Variants in ATG101 observed in about 807,000 individuals in gnomAD.
The protein encoded by ATG101 is autophagy related 101, also known as autophagy-related protein 101.
Under a neutral mutation model 16.7 loss-of-function variants are expected in ATG101, and 6 were observed. The ratio of observed to expected loss-of-function variants is 0.36; its 90% CI spans 0.20 to 0.71. The LOEUF is 0.71. Among genes scored for constraint, ATG101 ranks in the 30% least tolerant of loss-of-function variants. The pLI is 0.57. For missense variants in ATG101, 200 were observed against 292.5 expected, an observed-to-expected ratio of 0.68 and a Z score of 2.31; for synonymous variants, 108 against 118.1, an observed-to-expected ratio of 0.91 and a Z score of 0.56.
upstream of ATG101, among the ~76,000 whole-genome samples, chr12:52,068,568 G>C (rs1246904282): frequency 6.6e-6 from 1 of 151,958 alleles, no homozygotes; most frequent in Non-Finnish European, 1.5e-5. Context: ...TGTCGACCAG[G>C]CTGGTCTTGA....
At chr12:52,071,734 G>A (rs1456589851) in intron 2 of ATG101, among the ~76,000 whole-genome samples, 1 of 152,130 alleles carries the variant, frequency 6.6e-6, no homozygotes, top group Admixed American at 6.5e-5. Context: ...GGGAGCCTGG[G>A]AGGCAGAAGT....
chr12:52,077,354 C>T lies in ATG101; in HGVS notation c.*164C>T. ...GGTTTTGTGGTTGCCAGCCTCAGGT[C>T]ATCCTTTTAATCTTTGCTGACGGTT... On this transcript the variant is annotated 3_prime_UTR_variant, in exon 4 of 4. Transcript: ENST00000336854. 1.3e-6 allele frequency: 1 copy of T among 769,110 alleles called. No individual in the cohort carries two copies. Among genetic ancestry groups the T allele is most frequent in the Non-Finnish European group, 2.0e-6 (1 of 491,462 alleles). 47.6% of individuals were successfully genotyped at this position (769,110 alleles called of 1,614,324 possible).
At chr12:52,074,081 G>GCGGGCCGGGCGCGTGGGC (rs11280603) in intron 3 of ATG101, among the ~76,000 whole-genome samples, 179 bp downstream of exon 3, 1 of 151,924 alleles carries the variant, frequency 6.6e-6, no homozygotes, top group African/African-American at 2.4e-5. Context: ...GGGAGGGCGC[G>GCGGGCCGGGCGCGTGGGC]CGGGCGCGTG....
At chr12:52,067,102 G>A (rs115354872), upstream of ATG101, among the ~76,000 whole-genome samples, 1 of 152,342 alleles carries the variant, frequency 6.6e-6, no homozygotes, top group African/African-American at 2.4e-5. Flanking sequence ...AGGAAGGGAA[G>A]AGGATAGGGA....
chr12:52,067,297 C>T (rs1232799586), upstream of ATG101, among the ~76,000 whole-genome samples: 3 of 152,212 alleles, frequency 2.0e-5, no homozygotes, highest in Non-Finnish European at 4.4e-5. Flanking sequence ...CCGTTCTGGA[C>T]TCTGCATTCA....
chr12:52,067,638 A>C (rs1302159422), upstream of ATG101, among the ~76,000 whole-genome samples: 3 of 150,576 alleles, frequency 2.0e-5, no homozygotes, highest in African/African-American at 7.4e-5. Flanking sequence ...ACCAGGCTGG[A>C]GTGCAGTGGT....
intron 3 of ATG101, 32 bp from the exon 4 acceptor site, chr12:52,076,754 C>T (rs745858115): frequency 6.2e-7 from 1 of 1,601,242 alleles, no homozygotes; most frequent in South Asian, 1.1e-5. Context: ...ACTCAGAGGC[C>T]TTGGCTTGCT....
upstream of ATG101, chr12:52,069,622 C>G (rs986456973): frequency 6.6e-6 from 1 of 152,190 alleles, no homozygotes; most frequent in African/African-American, 2.4e-5. Flanking sequence ...CCGATGACTC[C>G]GCTCGGCCTA....
At chr12:52,073,957 G>T (rs945305415) in intron 3 of ATG101, 55 bp downstream of exon 3, 1 of 1,586,602 alleles carries the variant, frequency 6.3e-7, no homozygotes, top group South Asian at 1.1e-5. Context: ...TGGCAGGGGG[G>T]CCTCGAGTGC....
Position 52,073,704 on chromosome 12 carries a change from G to C in ATG101, c.54G>C (p.Glu18Asp). The stretch of plus-strand genomic sequence containing the variant: ...TGTCGGTGGAGGGGCGGCAGGTGGA[G>C]GAGGCCATGCTGGCTGTGCTGCACA... ...LEVSVEGRQV[E>D]EAMLAVLHTV... The change falls in exon 3 of 4, where the codon GAG becomes GAC. Residue 18 changes from glutamate (E) to aspartate (D), a missense_variant. Coordinates refer to ENST00000336854, the MANE Select transcript of ATG101 (RefSeq NM_021934.5). 6.2e-7 allele frequency: 1 copy of C among 1,614,162 alleles called. No homozygotes were observed. Among genetic ancestry groups the C allele is most frequent in the Non-Finnish European group, 8.5e-7 (1 of 1,180,014 alleles).
upstream of ATG101, among the ~76,000 whole-genome samples, chr12:52,068,694 G>C (rs1405700645): frequency 6.6e-6 from 1 of 151,934 alleles, no homozygotes. Flanking sequence ...AACACCTTAA[G>C]AATGCCTCCT....
intron 3 of ATG101, among the ~76,000 whole-genome samples, chr12:52,076,207 A>G (rs1939727425): frequency 6.6e-6 from 1 of 152,182 alleles, no homozygotes; most frequent in African/African-American, 2.4e-5. Context: ...GAGAAGACAA[A>G]TAGAGTTTAC....
intron 3 of ATG101, 64 bp downstream of exon 3, chr12:52,073,966 G>A (rs1939692523): frequency 6.3e-7 from 1 of 1,584,490 alleles, no homozygotes; most frequent in Non-Finnish European, 8.6e-7. Flanking sequence ...GGCCTCGAGT[G>A]CTCCTCCACT....
Position 52,077,263 on chromosome 12 carries a change from T to G in ATG101, c.*73T>G. 1 of 1,520,240 alleles carries G rather than the reference T, an allele frequency of 6.6e-7. No individual in the cohort carries two copies. Among genetic ancestry groups the G allele is most frequent in the Non-Finnish European group, 8.9e-7 (1 of 1,121,938 alleles). The allele number at this position is 1,520,240 out of a possible 1,614,324, so 94.2% of individuals were successfully genotyped here. A position where few individuals can be genotyped will look rare whatever the true frequency, so the allele number is the denominator to read the frequency against. ...TTTTGGGAATTGCACTTTTGGGCCT[T>G]TGGGCTCTGGAACCTGCTCTGGGTC... On this transcript the variant is annotated 3_prime_UTR_variant, in exon 4 of 4. Transcript: ENST00000336854.
chr12:52,076,679 A>T, intron 3 of ATG101, 107 bp from the exon 4 acceptor site: 1 of 1,319,570 alleles, frequency 7.6e-7, no homozygotes, highest in Admixed American at 2.4e-5. Context: ...CCATGCTTGG[A>T]TGATGACTAG....
At chr12:52,069,883 TAC>T (rs1939612103), upstream of ATG101, 1 of 151,592 alleles carries the variant, frequency 6.6e-6, no homozygotes, top group Non-Finnish European at 1.5e-5. Flanking sequence ...TGTGGGCGGC[TAC>T]ATGCGTGCGG....
Position 52,073,887 on chromosome 12 carries a change from T to G in ATG101, c.237T>G (p.Val79=). The G allele has an allele frequency of 1.2e-6, 2 of 1,613,684 alleles. No individual in the cohort carries two copies. The highest frequency in any genetic ancestry group is 8.5e-7 in the Non-Finnish European group (1 of 1,179,910). Residue 79 remains valine, a synonymous_variant, in exon 3 of 4, where the codon GTT becomes GTG. Transcript: ENST00000336854. ...SEELDRALRK[V]VGEFKDALRN... is the part of the protein sequence containing the mutation. The stretch of plus-strand genomic sequence containing the variant: ...AACTGGATCGTGCCCTGCGCAAGGT[T>G]GTTGGGGAGTTCAAGGTAAGGGTGT...
chr12:52,075,923 G>T (rs992717618), intron 3 of ATG101, among the ~76,000 whole-genome samples: 1 of 152,188 alleles, frequency 6.6e-6, no homozygotes, highest in African/African-American at 2.4e-5. Context: ...ACTTTGGGAG[G>T]CTGAAGCAGG....
upstream of ATG101, among the ~76,000 whole-genome samples, chr12:52,068,569 C>G (rs1015917373): frequency 1.3e-5 from 2 of 152,042 alleles, no homozygotes; most frequent in African/African-American, 4.8e-5. Context: ...GTCGACCAGG[C>G]TGGTCTTGAA....
Sources: gnomAD v4.1 joint callset for allele counts (sites outside exome capture counted in the v4.1 genomes callset) on GRCh38, gnomAD v4.1.1 for gene constraint, MANE v1.5 for transcripts, NCBI Gene and HGNC (gene_info 2026-07-23, HGNC 2026-07-21) for gene names.